Variants in OPCML observed in about 807,000 individuals in gnomAD.
The protein encoded by OPCML is opioid binding protein/cell adhesion molecule like.
In OPCML, 13 loss-of-function variants were observed where a neutral mutation model predicts 37.8. The observed-to-expected ratio is 0.34, with a 90% CI of 0.22 to 0.55. The LOEUF (loss-of-function observed/expected upper bound fraction) is 0.55, where lower values mean the gene tolerates loss of function less well. OPCML is among the 20% of genes least tolerant of loss of function. The pLI is 0.91. For synonymous variants in OPCML, 176 were observed against 168.8 expected (o/e 1.04, Z -0.33); for missense variants, 341 against 435.6 (o/e 0.78, Z 1.93).
chr11:133,175,657 C>T (rs1592074684), intron 1 of OPCML, among the ~76,000 whole-genome samples: 2 of 142,468 alleles, frequency 1.4e-5, no homozygotes, highest in Admixed American at 7.0e-5. Context: ...AATTCACTGA[C>T]TTTTTTTTTT....
intron 1 of OPCML, chr11:133,004,796 ACACTCCGTCTAACC>A (rs1947075160): frequency 1.0e-6 from 1 of 985,370 alleles, no homozygotes; most frequent in African/African-American, 1.7e-5. Context: ...TCCTTCCACC[ACACTCCGTCTAACC>A]TGCCCCTCTC....
At chr11:132,601,344 C>T (rs1937874916) in intron 3 of OPCML, among the ~76,000 whole-genome samples, 2 of 152,250 alleles carry the variant, frequency 1.3e-5, no homozygotes, top group South Asian at 2.1e-4. Flanking sequence ...GATTACTTAA[C>T]AAACCAATTC....
intron 1 of OPCML, among the ~76,000 whole-genome samples, chr11:133,337,257 C>T (rs1943763089): frequency 6.6e-6 from 1 of 152,202 alleles, no homozygotes; most frequent in Non-Finnish European, 1.5e-5. Context: ...GTCACCTGTG[C>T]AGACCTCTCT....
intron 2 of OPCML, among the ~76,000 whole-genome samples, chr11:132,683,532 C>T (rs571621948): frequency 6.6e-6 from 1 of 152,284 alleles, no homozygotes; most frequent in South Asian, 2.1e-4. Context: ...CTTTTCGTAA[C>T]TTAAATAACT....
chr11:133,175,918 A>G (rs1950366300), intron 1 of OPCML, among the ~76,000 whole-genome samples: 1 of 152,330 alleles, frequency 6.6e-6, no homozygotes, highest in South Asian at 2.1e-4. Context: ...AAAATGTTCA[A>G]CTAACCTAGA....
At chr11:133,221,157 A>G (rs927648073) in intron 1 of OPCML, among the ~76,000 whole-genome samples, 1 of 152,074 alleles carries the variant, frequency 6.6e-6, no homozygotes, top group Non-Finnish European at 1.5e-5. Context: ...GGCTGGCCAT[A>G]CCCCGTCAAC....
At chr11:133,312,484 G>T (rs763869519) in intron 1 of OPCML, among the ~76,000 whole-genome samples, 5 of 152,210 alleles carry the variant, frequency 3.3e-5, no homozygotes, top group Non-Finnish European at 7.3e-5. Flanking sequence ...GCCCTGAATA[G>T]GCTGTTTGAA....
chr11:132,770,821 G>A (rs1001661426), intron 2 of OPCML, among the ~76,000 whole-genome samples: 7 of 152,258 alleles, frequency 4.6e-5, no homozygotes, highest in East Asian at 1.9e-4. Context: ...GAGAAGGGGG[G>A]ACTCAGGGGG....
At chr11:133,357,923 C>A (rs1944326397) in intron 1 of OPCML, among the ~76,000 whole-genome samples, 1 of 152,134 alleles carries the variant, frequency 6.6e-6, no homozygotes, top group African/African-American at 2.4e-5. Flanking sequence ...CTCCACTGTC[C>A]CCAGCCAACC....
Position 132,473,678 on chromosome 11 carries a change from T to C in OPCML, c.506-36319A>G, listed in dbSNP as rs116842292. Among the ~76,000 whole-genome samples the C allele has an allele frequency of 1.9e-4, 29 of 152,126 alleles. No individual in the cohort carries two copies. In the East Asian group the frequency reaches 5.2e-3, roughly 28 times the overall value. The stretch of plus-strand genomic sequence containing the variant: ...CTGTCTCTACAAAAAATTTTTAAAA[T>C]AGTAGGGCATAGTGGTGTGCACCTG... On this transcript the variant is annotated intron_variant, in intron 4 of 7. Transcript: ENST00000524381.
At chr11:133,337,791 T>C (rs547454714) in intron 1 of OPCML, among the ~76,000 whole-genome samples, 4 of 152,300 alleles carry the variant, frequency 2.6e-5, no homozygotes, top group South Asian at 2.1e-4. Flanking sequence ...AAAATTGCTA[T>C]AGAATTTTGC....
At chr11:132,917,189 T>A (rs1944636078) in intron 2 of OPCML, among the ~76,000 whole-genome samples, 1 of 152,210 alleles carries the variant, frequency 6.6e-6, no homozygotes, top group Admixed American at 6.5e-5. Flanking sequence ...TAACGAGGAT[T>A]TAACATCACG....
At chr11:133,207,173 A>G (rs1022604668) in intron 1 of OPCML, among the ~76,000 whole-genome samples, 16 of 149,950 alleles carry the variant, frequency 1.1e-4, no homozygotes, top group African/African-American at 4.9e-5. Context: ...GGTGGCGGGC[A>G]CCTGTTGTCC....
chr11:133,000,629 G>A (rs1006491930), intron 1 of OPCML, among the ~76,000 whole-genome samples: 1 of 152,170 alleles, frequency 6.6e-6, no homozygotes, highest in Admixed American at 6.5e-5. Flanking sequence ...GATCTGAAAT[G>A]GAGGAGAGAA....
intron 1 of OPCML, among the ~76,000 whole-genome samples, chr11:132,980,544 A>G (rs1243783820): frequency 1.3e-5 from 2 of 152,214 alleles, no homozygotes; most frequent in South Asian, 2.1e-4. Context: ...TTTATTACTG[A>G]TAAGTGCCTT....
intron 2 of OPCML, among the ~76,000 whole-genome samples, chr11:132,726,498 C>T (rs1044083452): frequency 1.4e-4 from 18 of 127,510 alleles, no homozygotes; most frequent in African/African-American, 4.7e-4. Context: ...CACAGCCAAA[C>T]CATATCAACA....
chr11:133,015,851 C>T (rs571506922), intron 1 of OPCML, among the ~76,000 whole-genome samples: 1 of 152,262 alleles, frequency 6.6e-6, no homozygotes, highest in East Asian at 1.9e-4. Flanking sequence ...CCTACAATAT[C>T]CTCCCCATCC....
At position 133,055,550 on chromosome 11, in the gene OPCML, G is replaced by A. The variant is rs574729860; in HGVS notation, c.62-112540C>T. ...GGAGACGCCTCTACCGTATAATGCT[G>A]CCTCTATGATACTTCCAAGTAGTGA... On this transcript the variant is annotated intron_variant, in intron 1 of 7. Transcript: ENST00000524381. 1.6e-3 allele frequency among the ~76,000 whole-genome samples: 234 copies of A among 149,198 alleles called. 7 individuals carry two copies. Among genetic ancestry groups the A allele is most frequent in the East Asian group, 1.8e-3 (9 of 4,950 alleles).
intron 4 of OPCML, among the ~76,000 whole-genome samples, chr11:132,482,676 T>G (rs1355258394): frequency 6.6e-6 from 1 of 152,170 alleles, no homozygotes; most frequent in African/African-American, 2.4e-5. Context: ...CTCAATAAAA[T>G]ACTGGCACAC....
Sources: gnomAD v4.1 joint callset for allele counts (sites outside exome capture counted in the v4.1 genomes callset) on GRCh38, gnomAD v4.1.1 for gene constraint, MANE v1.5 for transcripts, NCBI Gene and HGNC (gene_info 2026-07-23, HGNC 2026-07-21) for gene names.